Variants in GRIP1 observed in about 807,000 individuals in gnomAD.
GRIP1 encodes glutamate receptor-interacting protein 1.
GRIP1 carries 45 observed loss-of-function variants against 129.9 expected under a neutral mutation model. The ratio of observed to expected loss-of-function variants is 0.35; its 90% CI spans 0.27 to 0.44. The LOEUF (loss-of-function observed/expected upper bound fraction) is 0.44, where lower values mean the gene tolerates loss of function less well. Ranked by LOEUF, GRIP1 falls within the 20% of genes least tolerant of loss-of-function variation. The pLI is 1.00. For missense variants in GRIP1, 1,196 were observed against 1,396.8 expected, an observed-to-expected ratio of 0.86 and a Z score of 2.29; for synonymous variants, 530 against 520.8, an observed-to-expected ratio of 1.02 and a Z score of -0.24.
chr12:66,652,663 C>G (rs754658202), intron 1 of GRIP1, among the ~76,000 whole-genome samples: 2 of 152,196 alleles, frequency 1.3e-5, no homozygotes, highest in Non-Finnish European at 2.9e-5. Flanking sequence ...TAGAGGTAGA[C>G]GCTCTGCACA....
intron 9 of GRIP1, 66 bp from the exon 10 acceptor site, chr12:66,456,408 G>A: frequency 4.8e-6 from 4 of 830,594 alleles, no homozygotes; most frequent in South Asian, 1.7e-5. Flanking sequence ...CCAAAAAAGA[G>A]GAAAAATAAC....
At chr12:66,451,629 C>T (rs149760171) in intron 11 of GRIP1, among the ~76,000 whole-genome samples, 9,511 of 151,772 alleles carry the variant, frequency 0.063, 614 homozygotes, top group East Asian at 0.2. Flanking sequence ...AAACTGGTCT[C>T]AAACTCCTGG....
chr12:66,600,421 C>T (rs946486399), intron 1 of GRIP1, among the ~76,000 whole-genome samples: 23 of 152,210 alleles, frequency 1.5e-4, no homozygotes, highest in African/African-American at 5.1e-4. Context: ...ACATCGTAGG[C>T]ATTCACTAAA....
intron 1 of GRIP1, among the ~76,000 whole-genome samples, chr12:66,792,442 G>C (rs2038570844): frequency 6.6e-6 from 1 of 152,046 alleles, no homozygotes; most frequent in Non-Finnish European, 1.5e-5. Flanking sequence ...GGGCATGGTG[G>C]CTCACACCTG....
chr12:66,376,366 A>C (rs1017156024), intron 22 of GRIP1, among the ~76,000 whole-genome samples: 9 of 152,240 alleles, frequency 5.9e-5, no homozygotes, highest in Non-Finnish European at 1.2e-4. Flanking sequence ...AGACATCAAA[A>C]TAAAAATGAG....
At chr12:66,729,809 C>T (rs1337626389) in intron 1 of GRIP1, among the ~76,000 whole-genome samples, 5 of 152,026 alleles carry the variant, frequency 3.3e-5, no homozygotes, top group Non-Finnish European at 2.9e-5. Context: ...CTCCTGACCT[C>T]GTAATCCACC....
At chr12:66,429,817 C>A (rs2058093277) in intron 14 of GRIP1, among the ~76,000 whole-genome samples, 1 of 152,156 alleles carries the variant, frequency 6.6e-6, no homozygotes, top group African/African-American at 2.4e-5. Context: ...AGGCATTTTA[C>A]ATATAGTAAT....
intron 1 of GRIP1, among the ~76,000 whole-genome samples, chr12:66,739,804 C>T (rs535263333): frequency 6.6e-6 from 1 of 151,854 alleles, no homozygotes; most frequent in African/African-American, 2.4e-5. Context: ...TGAAACCCAG[C>T]CTCCTTTCAT....
intron 13 of GRIP1, among the ~76,000 whole-genome samples, chr12:66,436,459 T>C (rs1211681041): frequency 6.6e-6 from 1 of 152,060 alleles, no homozygotes; most frequent in South Asian, 2.1e-4. Flanking sequence ...ATTCATGATA[T>C]TAGTTGGAGA....
intron 1 of GRIP1, among the ~76,000 whole-genome samples, chr12:66,990,600 T>C (rs2042379753): frequency 6.6e-6 from 1 of 152,188 alleles, no homozygotes; most frequent in African/African-American, 2.4e-5. Context: ...AGGAAGGCAA[T>C]TTATTCCCCG....
intron 1 of GRIP1, among the ~76,000 whole-genome samples, chr12:66,657,980 G>T (rs1198658913): frequency 6.6e-6 from 1 of 152,156 alleles, no homozygotes; most frequent in Non-Finnish European, 1.5e-5. Context: ...AACTTTATTA[G>T]TCAGTAGTTT....
intron 11 of GRIP1, 68 bp downstream of exon 11, chr12:66,455,341 T>C (rs1388248783): frequency 7.1e-7 from 1 of 1,409,432 alleles, no homozygotes; most frequent in Middle Eastern, 1.8e-4. Flanking sequence ...ACAATTTCGG[T>C]ATTTTCAAGG....
At chr12:66,986,361 A>C (rs1187206925) in intron 1 of GRIP1, among the ~76,000 whole-genome samples, 1 of 151,980 alleles carries the variant, frequency 6.6e-6, no homozygotes, top group African/African-American at 2.4e-5. Flanking sequence ...TCATGCTGCT[A>C]TAAAGACACA....
chr12:66,419,747 C>T (rs560388338), intron 15 of GRIP1, among the ~76,000 whole-genome samples: 7 of 152,260 alleles, frequency 4.6e-5, no homozygotes, highest in Non-Finnish European at 1.0e-4. Context: ...AGCAGTGGAG[C>T]CTGCACATAT....
chr12:66,420,670 CTTAAA>C (rs2057773113), intron 15 of GRIP1, 45 bp downstream of exon 15: 1 of 1,017,344 alleles, frequency 9.8e-7, no homozygotes, highest in African/African-American at 1.6e-5. Context: ...GTCATGTTTA[CTTAAA>C]TTAAGAGAGG....
intron 1 of GRIP1, among the ~76,000 whole-genome samples, chr12:66,766,118 G>A (rs1175116736): frequency 6.6e-6 from 1 of 152,166 alleles, no homozygotes; most frequent in Non-Finnish European, 1.5e-5. Flanking sequence ...CATCCACACT[G>A]TGATATAAGT....
intron 1 of GRIP1, among the ~76,000 whole-genome samples, chr12:67,020,304 T>C (rs182113697): frequency 2.0e-5 from 3 of 152,326 alleles, no homozygotes; most frequent in South Asian, 4.1e-4. Context: ...TAAGCCTGCA[T>C]ATAACAAACA....
intron 1 of GRIP1, among the ~76,000 whole-genome samples, chr12:66,968,275 T>C (rs1407648285): frequency 6.6e-6 from 1 of 152,178 alleles, no homozygotes; most frequent in East Asian, 1.9e-4. Context: ...CAGCTTTCTT[T>C]TGATTGGTGT....
At chr12:66,382,416 A>C (rs190290105) in intron 19 of GRIP1, among the ~76,000 whole-genome samples, 1 of 152,368 alleles carries the variant, frequency 6.6e-6, no homozygotes, top group East Asian at 1.9e-4. Context: ...CAAGGTTCAA[A>C]TCCTAGCTTA....
Sources: gnomAD v4.1 joint callset for allele counts (sites outside exome capture counted in the v4.1 genomes callset) on GRCh38, gnomAD v4.1.1 for gene constraint, MANE v1.5 for transcripts, NCBI Gene and HGNC (gene_info 2026-07-23, HGNC 2026-07-21) for gene names.